OPRM1: variants seen among roughly 807,000 people sequenced by gnomAD.
OPRM1 encodes mu-type opioid receptor.
OPRM1 carries 27 observed loss-of-function variants against 31.8 expected under a neutral mutation model. The observed-to-expected ratio is 0.85, with a 90% confidence interval of 0.63 to 1.17. The LOEUF (loss-of-function observed/expected upper bound fraction) is 1.17, where lower values mean the gene tolerates loss of function less well. Among genes scored for constraint, OPRM1 ranks in the 50% most tolerant of loss-of-function variants. OPRM1 has a pLI of 0.00. For missense variants in OPRM1, 536 were observed against 511.1 expected, an observed-to-expected ratio of 1.05 and a Z score of -0.47; for synonymous variants, 196 against 189.9, an observed-to-expected ratio of 1.03 and a Z score of -0.26.
intron 3 of OPRM1, among the ~76,000 whole-genome samples, chr6:154,206,060 T>G (rs1456244810): frequency 1.3e-5 from 2 of 152,154 alleles, no homozygotes; most frequent in Non-Finnish European, 2.9e-5. Context: ...CAAAAGCTCT[T>G]CATGGCACCC....
At position 154,039,781 on chromosome 6, in the gene OPRM1, C is replaced by G; in HGVS notation, c.237C>G (p.Ile79Met). ...TAITIMALYS[I>M]VCVVGLFGNF... The stretch of plus-strand genomic sequence containing the variant: ...TCACGATCATGGCCCTCTACTCCAT[C>G]GTGTGCGTGGTGGGGCTCTTCGGAA... The change falls in exon 1 of 4, where the codon ATC becomes ATG. Residue 79 changes from isoleucine (I) to methionine (M), a missense_variant. By Grantham distance (10) the Ile-to-Met change is conservative. Transcript: ENST00000330432. The G allele has an allele frequency of 6.2e-7, 1 of 1,601,716 alleles. No homozygotes were observed. The highest frequency in any genetic ancestry group is 8.5e-7 in the Non-Finnish European group (1 of 1,179,046).
At chr6:154,052,101 C>T (rs1782322949) in intron 1 of OPRM1, among the ~76,000 whole-genome samples, 1 of 152,164 alleles carries the variant, frequency 6.6e-6, no homozygotes, top group South Asian at 2.1e-4. Context: ...ACTGCATGTT[C>T]TCACTCATAA....
At chr6:154,236,910 T>C (rs1780180062) in intron 3 of OPRM1, among the ~76,000 whole-genome samples, 1 of 152,222 alleles carries the variant, frequency 6.6e-6, no homozygotes, top group Non-Finnish European at 1.5e-5. Context: ...TGCCTTTTCC[T>C]TGCATCTTTT....
At chr6:154,155,936 T>A (rs1167555895) in intron 3 of OPRM1, 3 of 152,244 alleles carry the variant, frequency 2.0e-5, no homozygotes, top group Non-Finnish European at 4.4e-5. Context: ...ACTGGAGTGC[T>A]ACCTGAGTAA....
In OPRM1 at chr6:154,188,812, T is replaced by C. The variant is rs544365918; in HGVS notation, c.1165-57881T>C. Among the ~76,000 whole-genome samples the C allele has an allele frequency of 2.0e-5, 3 of 152,288 alleles. No homozygotes were observed. The South Asian group carries it at 6.2e-4, about 32-fold the overall frequency. Reference sequence around the variant, plus strand: ...ATACTAGGAAAATTATATTTGCATATGGAGTAAGATGATATTGTATCTCAT... The same window carrying C: ...ATACTAGGAAAATTATATTTGCATACGGAGTAAGATGATATTGTATCTCAT... On this transcript the variant is annotated intron_variant, in intron 3 of 3. Coordinates refer to the OPRM1 transcript ENST00000337049.
At chr6:154,200,078 A>T (rs1397694351) in intron 3 of OPRM1, 1 of 1,540,404 alleles carries the variant, frequency 6.5e-7, no homozygotes, top group African/African-American at 1.4e-5. Context: ...AGAATAAAAG[A>T]CATCATGATT....
intron 1 of OPRM1, among the ~76,000 whole-genome samples, chr6:154,057,188 CAG>C (rs1783477785): frequency 6.6e-6 from 1 of 152,144 alleles, no homozygotes. Context: ...AGACATTGAA[CAG>C]ACTCATTTTA....
chr6:154,046,748 G>T (rs1286052507), intron 1 of OPRM1: 2 of 152,044 alleles, frequency 1.3e-5, no homozygotes, highest in Non-Finnish European at 2.9e-5. Context: ...CCTGGCTCAG[G>T]GCCCCAAGTG....
At chr6:154,242,502 T>C (rs1233317821) in intron 3 of OPRM1, among the ~76,000 whole-genome samples, 1 of 152,170 alleles carries the variant, frequency 6.6e-6, no homozygotes, top group Non-Finnish European at 1.5e-5. Context: ...GCTGAAGATA[T>C]ACCCATGATC....
chr6:154,058,124 C>T (rs1783687128), intron 1 of OPRM1, among the ~76,000 whole-genome samples: 1 of 152,124 alleles, frequency 6.6e-6, no homozygotes, highest in African/African-American at 2.4e-5. Flanking sequence ...ATTATTTTCT[C>T]AGCAATTTAG....
At chr6:154,179,548 A>G (rs547030821) in intron 3 of OPRM1, among the ~76,000 whole-genome samples, 1 of 152,132 alleles carries the variant, frequency 6.6e-6, no homozygotes, top group Non-Finnish European at 1.5e-5. Flanking sequence ...TCTGACAGTC[A>G]AGTGTTTCCA....
chr6:154,013,872 A>C (rs1177875495), intron 1 of OPRM1, among the ~76,000 whole-genome samples: 3 of 152,128 alleles, frequency 2.0e-5, no homozygotes, highest in Non-Finnish European at 4.4e-5. Flanking sequence ...TGAGACCTAG[A>C]CTTGAACTAG....
At chr6:154,160,027 T>G (rs746421022) in intron 3 of OPRM1, 1 of 1,611,566 alleles carries the variant, frequency 6.2e-7, no homozygotes, top group South Asian at 1.1e-5. Context: ...CATGGCCAGA[T>G]CATGTTCTTT....
At chr6:154,150,935 C>G (rs1199646623) in intron 3 of OPRM1, among the ~76,000 whole-genome samples, 1 of 152,218 alleles carries the variant, frequency 6.6e-6, no homozygotes, top group Non-Finnish European at 1.5e-5. Flanking sequence ...GTTATCTAAG[C>G]CTGTTCCTCT....
intron 3 of OPRM1, among the ~76,000 whole-genome samples, chr6:154,100,016 T>C (rs1250260136): frequency 9.0e-6 from 1 of 111,136 alleles, no homozygotes; most frequent in East Asian, 2.5e-4. Context: ...ATGATATATA[T>C]CATAACATAT....
intron 1 of OPRM1, among the ~76,000 whole-genome samples, chr6:154,047,541 G>A (rs1328969062): frequency 6.6e-6 from 1 of 152,024 alleles, no homozygotes; most frequent in Admixed American, 6.6e-5. Context: ...TATCCTGGAT[G>A]TTGTATTCCA....
At chr6:154,206,381 C>T (rs1053149584) in intron 3 of OPRM1, among the ~76,000 whole-genome samples, 3 of 152,102 alleles carry the variant, frequency 2.0e-5, no homozygotes, top group African/African-American at 7.2e-5. Flanking sequence ...ATTTGTGGAA[C>T]AAGAAATTTG....
At chr6:154,192,318 C>CTG (rs56231733) in intron 3 of OPRM1, among the ~76,000 whole-genome samples, 3,906 of 148,074 alleles carry the variant, frequency 0.026, 75 homozygotes, top group African/African-American at 0.052. Context: ...CACGTGGTTA[C>CTG]TGTGTGTGTG....
chr6:154,229,551 G>T (rs1779560920), intron 3 of OPRM1, among the ~76,000 whole-genome samples: 1 of 151,682 alleles, frequency 6.6e-6, no homozygotes, highest in Non-Finnish European at 1.5e-5. Flanking sequence ...TAGAGATGGG[G>T]TTCGCCGTGT....
Sources: allele counts gnomAD v4.1 joint callset (sites outside exome capture counted in the v4.1 genomes callset), GRCh38; gene constraint gnomAD v4.1.1; transcripts MANE v1.5; gene names NCBI Gene and HGNC (gene_info 2026-07-23, HGNC 2026-07-21).